The following PCDH9 variants were observed in gnomAD, a reference collection of about 807,000 sequenced individuals.
The protein encoded by PCDH9 is protocadherin-9.
A neutral mutation model predicts 70.6 loss-of-function variants in PCDH9; 24 were observed. The observed-to-expected ratio is 0.34, with a 90% CI of 0.25 to 0.48. The LOEUF (loss-of-function observed/expected upper bound fraction) is 0.48, where lower values mean the gene tolerates loss of function less well. Among genes scored for constraint, PCDH9 ranks in the 20% least tolerant of loss-of-function variants. The pLI is 0.99. For missense variants in PCDH9, 1,281 were observed against 1,503.6 expected (o/e 0.85, Z 2.45); for synonymous variants, 562 against 558.5 (o/e 1.01, Z -0.09).
intron 2 of PCDH9, among the ~76,000 whole-genome samples, chr13:66,963,684 G>C (rs892726529): frequency 3.3e-5 from 5 of 152,122 alleles, no homozygotes; most frequent in African/African-American, 1.2e-4. Flanking sequence ...CATGGGTTAA[G>C]CAAAAGCTAC....
At chr13:67,152,264 G>T (rs528204948) in intron 2 of PCDH9, among the ~76,000 whole-genome samples, 1 of 152,152 alleles carries the variant, frequency 6.6e-6, no homozygotes, top group African/African-American at 2.4e-5. Flanking sequence ...ATTTGGCAGC[G>T]CTCCATGCCT....
At chr13:66,776,377 A>T (rs2079892940) in intron 3 of PCDH9, among the ~76,000 whole-genome samples, 1 of 150,294 alleles carries the variant, frequency 6.7e-6, no homozygotes, top group Admixed American at 6.7e-5. Flanking sequence ...TATCTAGAAA[A>T]CCCCATTGTC....
chr13:66,966,528 A>G (rs2083437260), intron 2 of PCDH9, among the ~76,000 whole-genome samples: 1 of 152,138 alleles, frequency 6.6e-6, no homozygotes, highest in Non-Finnish European at 1.5e-5. Context: ...TTACTAGGAA[A>G]TACTCAGATA....
chr13:67,054,032 G>A (rs1014844791), intron 2 of PCDH9, among the ~76,000 whole-genome samples: 4 of 152,020 alleles, frequency 2.6e-5, no homozygotes, highest in East Asian at 1.9e-4. Context: ...GCCAATTTGC[G>A]CCCTCCTCCC....
At chr13:66,496,174 T>C (rs936588319) in intron 4 of PCDH9, among the ~76,000 whole-genome samples, 1 of 152,236 alleles carries the variant, frequency 6.6e-6, no homozygotes, top group Non-Finnish European at 1.5e-5. Context: ...GTTCAAAATA[T>C]AACTCTTCTT....
At chr13:66,625,188 A>G (rs1461991424) in intron 4 of PCDH9, among the ~76,000 whole-genome samples, 1 of 152,190 alleles carries the variant, frequency 6.6e-6, no homozygotes, top group African/African-American at 2.4e-5. Context: ...AACAAACAAT[A>G]ATTTTAAAAT....
chr13:66,832,406 T>C (rs2080943286), intron 3 of PCDH9, among the ~76,000 whole-genome samples: 1 of 152,114 alleles, frequency 6.6e-6, no homozygotes, highest in African/African-American at 2.4e-5. Flanking sequence ...CTACATTTTA[T>C]CTTGAATAAT....
chr13:67,218,721 G>GT (rs1191589914), intron 2 of PCDH9: 3 of 152,024 alleles, frequency 2.0e-5, no homozygotes. Context: ...GAAGCTGTAC[G>GT]TAGCAGGCTC....
chr13:66,495,204 CAATT>C (rs1959095288), intron 4 of PCDH9, among the ~76,000 whole-genome samples: 1 of 152,050 alleles, frequency 6.6e-6, no homozygotes, highest in South Asian at 2.1e-4. Context: ...TTCTGGCAAA[CAATT>C]AGAGATTTTT....
At chr13:67,024,784 T>A (rs1432110786) in intron 2 of PCDH9, among the ~76,000 whole-genome samples, 1 of 152,152 alleles carries the variant, frequency 6.6e-6, no homozygotes, top group East Asian at 1.9e-4. Context: ...ATGTGTCATG[T>A]CTGTTGCTAT....
At chr13:66,438,226 T>A (rs1328128859) in intron 4 of PCDH9, among the ~76,000 whole-genome samples, 1 of 149,554 alleles carries the variant, frequency 6.7e-6, no homozygotes, top group African/African-American at 2.5e-5. Flanking sequence ...AGAGCGAGAC[T>A]CCGGCTCAAA....
At chr13:66,921,338 A>G (rs1259604604) in intron 2 of PCDH9, among the ~76,000 whole-genome samples, 1 of 151,278 alleles carries the variant, frequency 6.6e-6, no homozygotes, top group Non-Finnish European at 1.5e-5. Context: ...TACGTGAGAG[A>G]AAGGGTATTT....
intron 2 of PCDH9, among the ~76,000 whole-genome samples, chr13:66,947,842 T>C (rs1048730579): frequency 1.6e-4 from 24 of 152,094 alleles, no homozygotes; most frequent in Non-Finnish European, 3.4e-4. Flanking sequence ...TATGCTTTAT[T>C]TGGGAAGCAG....
At chr13:67,078,259 G>A (rs1339256820) in intron 2 of PCDH9, among the ~76,000 whole-genome samples, 1 of 152,056 alleles carries the variant, frequency 6.6e-6, no homozygotes, top group Non-Finnish European at 1.5e-5. Flanking sequence ...TCCCAGCTGC[G>A]CCATCAGCTG....
chr13:66,446,289 T>C (rs1958089151), intron 4 of PCDH9, among the ~76,000 whole-genome samples: 1 of 151,926 alleles, frequency 6.6e-6, no homozygotes, highest in Admixed American at 6.6e-5. Context: ...CAGCACTTAA[T>C]CCTTATTTTA....
At chr13:66,474,392 G>A (rs571554925) in intron 4 of PCDH9, among the ~76,000 whole-genome samples, 3 of 152,094 alleles carry the variant, frequency 2.0e-5, no homozygotes, top group East Asian at 1.9e-4. Flanking sequence ...TCTATCTAAC[G>A]TACTGATCTG....
At chr13:66,887,869 G>A (rs187175541) in intron 3 of PCDH9, among the ~76,000 whole-genome samples, 2 of 152,220 alleles carry the variant, frequency 1.3e-5, no homozygotes, top group East Asian at 3.9e-4. Context: ...ATCTAAAAAA[G>A]TCTATTGTTA....
At chr13:66,730,858 GTT>G (rs71106995) in intron 3 of PCDH9, among the ~76,000 whole-genome samples, 2 of 46,658 alleles carry the variant, frequency 4.3e-5, no homozygotes, top group Admixed American at 2.6e-4. Flanking sequence ...TTTTGTTTTT[GTT>G]TTTTTGTGTG....
chr13:66,994,039 T>C (rs1394919860), intron 2 of PCDH9, among the ~76,000 whole-genome samples: 3 of 152,130 alleles, frequency 2.0e-5, no homozygotes, highest in Admixed American at 2.0e-4. Flanking sequence ...GACACTGATG[T>C]AGCCTAGTAA....
Sources: allele counts gnomAD v4.1 joint callset (sites outside exome capture counted in the v4.1 genomes callset), GRCh38; gene constraint gnomAD v4.1.1; transcripts MANE v1.5; gene names NCBI Gene and HGNC (gene_info 2026-07-23, HGNC 2026-07-21).